The following ACTA2 variants were observed in gnomAD, a reference collection of about 807,000 sequenced individuals.
The protein encoded by ACTA2 is actin, aortic smooth muscle.
In ACTA2, 12 loss-of-function variants were observed where a neutral mutation model predicts 39.5. The ratio of observed to expected loss-of-function variants is 0.30; its 90% confidence interval spans 0.19 to 0.49. The LOEUF is 0.49. Among genes scored for constraint, ACTA2 ranks in the 20% least tolerant of loss-of-function variants. The probability of loss-of-function intolerance (pLI) is 0.99; values close to 1 mark genes in which losing one functional copy is unlikely to be tolerated. For missense variants in ACTA2, 236 were observed against 498.8 expected (o/e 0.47, Z 5.02); for synonymous variants, 158 against 180.6 (o/e 0.88, Z 1.00).
rs779517708 is a variant in ACTA2, at chr10:88,938,013, G to C, written c.990+48C>G. The C allele has an allele frequency of 1.9e-6, 3 of 1,605,038 alleles. No individual in the cohort carries two copies. In the Admixed American group the frequency reaches 5.0e-5, roughly 27 times the overall value. On this transcript the variant is annotated intron_variant, in intron 8 of 8. Transcript: ENST00000224784. ...AAGAGTTCTTATCTGTGGTTATAGGGCTGACACTGCTGGCGGCATTGCCAC... is the reference window on the plus strand; with the variant it reads ...AAGAGTTCTTATCTGTGGTTATAGGCCTGACACTGCTGGCGGCATTGCCAC...
At chr10:88,973,643 A>G (rs1380079789) in intron 1 of ACTA2, 2 of 190,004 alleles carry the variant, frequency 1.1e-5, no homozygotes, top group African/African-American at 4.6e-5. Context: ...ACTAACCTCA[A>G]AGGGCCCTCA....
chr10:88,962,980 A>G (rs1350061306), intron 1 of ACTA2, among the ~76,000 whole-genome samples: 1 of 82,344 alleles, frequency 1.2e-5, no homozygotes, highest in Admixed American at 1.3e-4. Flanking sequence ...TATATATAAT[A>G]TTTTTTTTTT....
intron 1 of ACTA2, among the ~76,000 whole-genome samples, chr10:88,977,101 C>T (rs894389876): frequency 6.6e-6 from 1 of 152,076 alleles, no homozygotes; most frequent in Non-Finnish European, 1.5e-5. Context: ...AATTTTCTCC[C>T]ATTTTGTAGG....
chr10:88,986,261 C>T (rs1846879523), intron 1 of ACTA2, among the ~76,000 whole-genome samples: 1 of 152,076 alleles, frequency 6.6e-6, no homozygotes, highest in Admixed American at 6.6e-5. Flanking sequence ...TCTTAACACC[C>T]AGGGGGTAGG....
chr10:88,984,278 G>A (rs1353912876), intron 1 of ACTA2, among the ~76,000 whole-genome samples: 2 of 152,306 alleles, frequency 1.3e-5, no homozygotes, highest in Admixed American at 1.3e-4. Context: ...TAAGGCTGGT[G>A]TAGTCTCCTA....
At chr10:88,980,739 G>A (rs1846690680) in intron 1 of ACTA2, among the ~76,000 whole-genome samples, 1 of 152,208 alleles carries the variant, frequency 6.6e-6, no homozygotes, top group Non-Finnish European at 1.5e-5. Flanking sequence ...TTAGGAATGA[G>A]ACTCGAGCCA....
chr10:88,955,016 C>CAAAAA (rs768193000), upstream of ACTA2, among the ~76,000 whole-genome samples: 22 of 72,960 alleles, frequency 3.0e-4, no homozygotes, highest in Non-Finnish European at 3.8e-4. Flanking sequence ...TAGTGTCACA[C>CAAAAA]AAAAAAAAAA....
At chr10:88,953,980 A>G (rs775456484), upstream of ACTA2, among the ~76,000 whole-genome samples, 8 of 152,162 alleles carry the variant, frequency 5.3e-5, no homozygotes, top group Non-Finnish European at 1.0e-4. Flanking sequence ...GTGAAAATGG[A>G]CTAAGATACC....
At chr10:88,960,377 A>G (rs942423022) in intron 1 of ACTA2, among the ~76,000 whole-genome samples, 10 of 152,186 alleles carry the variant, frequency 6.6e-5, no homozygotes, top group African/African-American at 2.4e-4. Context: ...TGTGAAGACT[A>G]GCTGATAGTC....
In ACTA2 at chr10:88,935,475, C is replaced by T. The variant is rs190827603; in HGVS notation, c.991-109G>A. 3.9e-6 allele frequency: 5 copies of T among 1,273,998 alleles called. No individual in the cohort carries two copies. The East Asian group carries it at 1.2e-4, about 30-fold the overall frequency. 78.9% of individuals were successfully genotyped at this position (1,273,998 alleles called of 1,614,324 possible). On this transcript the variant is annotated intron_variant, in intron 8 of 8. Coordinates refer to ENST00000224784, the MANE Select transcript of ACTA2 (RefSeq NM_001613.4). Reference sequence around the variant, plus strand: ...TACCATGGCCTAGTTTCTTGTTCAGCAGGGACACAGGCTTGTCTGTTAGAT... The same window carrying T: ...TACCATGGCCTAGTTTCTTGTTCAGTAGGGACACAGGCTTGTCTGTTAGAT...
In ACTA2 at chr10:88,990,769, G is replaced by A; in HGVS notation, c.-24+170C>T. 1 of 1,446,476 alleles carries A rather than the reference G, an allele frequency of 6.9e-7. No homozygotes were observed. Among genetic ancestry groups the A allele is most frequent in the East Asian group, 2.3e-5 (1 of 43,616 alleles). 89.6% of individuals were successfully genotyped at this position (1,446,476 alleles called of 1,614,324 possible). ...GCACTGGCACGGAACACACCCTGAGGCCAGCCCTGGCTGCCCAGGCGGAGC... is the reference window on the plus strand; with the variant it reads ...GCACTGGCACGGAACACACCCTGAGACCAGCCCTGGCTGCCCAGGCGGAGC... On this transcript the variant is annotated intron_variant, in intron 1 of 4. Coordinates refer to the ACTA2 transcript ENST00000415557. The surrounding 1 kb of genome is among the most constrained non-coding windows in gnomAD (Gnocchi z 4.9).
At chr10:88,959,138 G>A (rs2133294984) in intron 1 of ACTA2, among the ~76,000 whole-genome samples, 1 of 152,308 alleles carries the variant, frequency 6.6e-6, no homozygotes, top group South Asian at 2.1e-4. Context: ...ATTGATCATT[G>A]AAATGTCTAT....
chr10:88,943,813 C>A lies in ACTA2; in HGVS notation c.353G>T (p.Arg118Leu). ...CATACTTACTTGAGTCATTTTCTCC[C>A]GGTTGGCCTTGGGGTTCAGGGGTGC... ...TEAPLNPKAN[R>L]EKMTQIMFET... The change falls in exon 4 of 9, where the codon CGG (arginine) becomes CTG (leucine). Residue 118 changes from arginine (R) to leucine (L), a missense_variant. Coordinates refer to ENST00000224784, the MANE Select transcript of ACTA2 (RefSeq NM_001613.4). The A allele has an allele frequency of 1.2e-6, 2 of 1,613,724 alleles. No individual in the cohort carries two copies. The highest frequency in any genetic ancestry group is 1.7e-6 in the Non-Finnish European group (2 of 1,179,712).
intron 1 of ACTA2, among the ~76,000 whole-genome samples, chr10:88,980,458 G>A (rs543095039): frequency 2.6e-5 from 4 of 152,246 alleles, no homozygotes; most frequent in East Asian, 3.9e-4. Flanking sequence ...AAAGAGAGAC[G>A]CATTTCACAG....
intron 1 of ACTA2, among the ~76,000 whole-genome samples, chr10:88,985,422 A>G (rs1023604126): frequency 6.6e-6 from 1 of 152,214 alleles, no homozygotes; most frequent in African/African-American, 2.4e-5. Flanking sequence ...CCACTATTGT[A>G]TTAGTCGACT....
chr10:88,941,308 A>G lies in ACTA2; in HGVS notation c.537T>C (p.Arg179=), dbSNP rs1301667023. The change falls in exon 6 of 9, where the codon CGT becomes CGC. Residue 179 remains arginine, a synonymous_variant. Coordinates refer to ENST00000224784, the MANE Select transcript of ACTA2 (RefSeq NM_001613.4). ...EGYALPHAIM[R]LDLAGRDLTD... ...TGAGATCTCGGCCAGCCAGATCCAGACGCATGATGGCATGGGGCAAGGCAT... is the reference window on the plus strand; with the variant it reads ...TGAGATCTCGGCCAGCCAGATCCAGGCGCATGATGGCATGGGGCAAGGCAT... 1 of 1,612,888 alleles carries G rather than the reference A, an allele frequency of 6.2e-7. No homozygotes were observed. The highest frequency in any genetic ancestry group is 8.5e-7 in the Non-Finnish European group (1 of 1,179,604).
intron 8 of ACTA2, among the ~76,000 whole-genome samples, chr10:88,936,416 C>T (rs969113145): frequency 2.0e-5 from 3 of 152,140 alleles, no homozygotes; most frequent in East Asian, 1.9e-4. Flanking sequence ...TGTAATCCCC[C>T]GTGTTGGAGG....
intron 4 of ACTA2, among the ~76,000 whole-genome samples, chr10:88,942,972 G>T (rs890405343): frequency 6.6e-6 from 1 of 152,208 alleles, no homozygotes; most frequent in East Asian, 1.9e-4. Context: ...GGCTTTGCCA[G>T]TTCTAGCTGT....
chr10:88,953,704 G>A (rs1255174921), upstream of ACTA2, among the ~76,000 whole-genome samples: 1 of 152,176 alleles, frequency 6.6e-6, no homozygotes, highest in Non-Finnish European at 1.5e-5. Context: ...GAAAGGCTAG[G>A]TGGGAGGTGA....
Sources: allele counts gnomAD v4.1 joint callset (sites outside exome capture counted in the v4.1 genomes callset), GRCh38; gene constraint gnomAD v4.1.1; non-coding constraint Gnocchi (gnomAD v3.1); transcripts MANE v1.5; gene names NCBI Gene and HGNC (gene_info 2026-07-23, HGNC 2026-07-21).